LAMA5: variants seen among roughly 807,000 people sequenced by gnomAD.
LAMA5 encodes the protein laminin subunit alpha 5, also known as laminin subunit alpha-5.
In LAMA5, 260 loss-of-function variants were observed where a neutral mutation model predicts 433.4. The observed-to-expected ratio is 0.60, with a 90% CI of 0.54 to 0.66. The LOEUF is 0.66. Among genes scored for constraint, LAMA5 ranks in the 30% least tolerant of loss-of-function variants. The pLI, the probability that LAMA5 is intolerant of heterozygous loss-of-function variation, is 0.00. For missense variants in LAMA5, 5,378 were observed against 5,258.5 expected, an observed-to-expected ratio of 1.02 and a Z score of -0.70; for synonymous variants, 2,620 against 2,226.6, an observed-to-expected ratio of 1.18 and a Z score of -4.97.
intron 17 of LAMA5, 36 bp downstream of exon 17, chr20:62,336,698 C>T: frequency 6.2e-7 from 1 of 1,610,776 alleles, no homozygotes; most frequent in Non-Finnish European, 8.5e-7. Context: ...CCTGGGTCCT[C>T]ACCCATCTCC....
chr20:62,314,268 G>A, intron 62 of LAMA5, 36 bp downstream of exon 62: 1 of 1,603,892 alleles, frequency 6.2e-7, no homozygotes. Context: ...GGGCCCTGCA[G>A]TTGGAGGCAT....
chr20:62,324,216 T>A lies in LAMA5; in HGVS notation c.5644-12A>T, dbSNP rs1250261760. 2 of 1,575,560 alleles carry A rather than the reference T, an allele frequency of 1.3e-6. No individual in the cohort carries two copies. The highest frequency in any genetic ancestry group is 8.5e-7 in the Non-Finnish European group (1 of 1,170,670). On this transcript the variant is annotated splice_polypyrimidine_tract_variant and intron_variant, in intron 42 of 79. Transcript: ENST00000252999. The surrounding 1 kb of genome is among the most constrained non-coding windows in gnomAD (Gnocchi z 4.4). ...TTGTGCTGGCAGTCCTGGGGCAGAG[T>A]GGACAGTCAGAGCTATGGTGGACAC...
rs370315288 is a variant in LAMA5, at chr20:62,329,301, C to T, written c.4120-48G>A. 33 of 1,422,656 alleles carry T rather than the reference C, an allele frequency of 2.3e-5. 1 individual carries two copies. The highest frequency in any genetic ancestry group is 1.5e-4 in the South Asian group (13 of 84,632). 88.1% of individuals were successfully genotyped at this position (1,422,656 alleles called of 1,614,324 possible). On this transcript the variant is annotated intron_variant, in intron 32 of 79. Transcript: ENST00000252999. ...TCTCCCGCGGGCCCAGAGCCTGCAG[C>T]GGGGAGGCCCCCAGAGGCTGGCTGG...
chr20:62,361,594 C>T (rs1013974889), intron 2 of LAMA5, among the ~76,000 whole-genome samples: 16 of 152,232 alleles, frequency 1.1e-4, no homozygotes, highest in Non-Finnish European at 1.3e-4. Context: ...GGGGCAGCGG[C>T]GGAGCCGGCT....
rs1291247103 is a variant in LAMA5 at position 62,318,332 on chromosome 20, GGGAGGGGAGGACGGA to G, written c.7239+107_7239+121del. The stretch of plus-strand genomic sequence containing the variant: ...GAAGAGGAGGAGGGGGGGAGGACGA[GGGAGGGGAGGACGGA>G]GGGAGGGGAGGACGAGGGGAGGGGA... On this transcript the variant is annotated intron_variant, in intron 53 of 79. Coordinates refer to ENST00000252999, the MANE Select transcript of LAMA5 (RefSeq NM_005560.6). 4.5e-4 allele frequency: 224 copies of G among 495,804 alleles called. 6 individuals carry two copies. The highest frequency in any genetic ancestry group is 2.3e-3 in the South Asian group (104 of 45,834). 30.7% of individuals were successfully genotyped at this position (495,804 alleles called of 1,614,324 possible).
chr20:62,321,995 G>A, intron 48 of LAMA5, 24 bp downstream of exon 48: 2 of 1,594,216 alleles, frequency 1.3e-6, no homozygotes, highest in Non-Finnish European at 1.7e-6. Context: ...TCAGGTGTGG[G>A]GAAGTGGGGT....
At position 62,327,332 on chromosome 20, in the gene LAMA5, C is replaced by G; in HGVS notation, c.5013G>C (p.Thr1671=). The G allele has an allele frequency of 6.2e-7, 1 of 1,602,380 alleles. No homozygotes were observed. Among genetic ancestry groups the G allele is most frequent in the African/African-American group, 1.3e-5 (1 of 74,946 alleles). Residue 1671 remains threonine (T), a synonymous_variant, in exon 38 of 80, where the codon ACG becomes ACC. Transcript: ENST00000252999. ...QVVPHERQPG[T]EMLRADLRHV... is the part of the protein sequence containing the mutation. ...GCCGCAGGTCTGCACGGAGCATCTC[C>G]GTCCCTGGCTGCCGCTCGTGGGGCA... is the stretch of plus-strand genomic sequence containing the variant.
At chr20:62,330,041 G>C in intron 31 of LAMA5, 125 bp from the exon 32 acceptor site, 1 of 1,362,260 alleles carries the variant, frequency 7.3e-7, no homozygotes, top group Non-Finnish European at 9.8e-7. Flanking sequence ...ACAGGCACGG[G>C]ACGTGCCCAA....
At chr20:62,345,089 C>G (rs1277787219) in intron 11 of LAMA5, among the ~76,000 whole-genome samples, 1 of 152,088 alleles carries the variant, frequency 6.6e-6, no homozygotes, top group Non-Finnish European at 1.5e-5. Context: ...GCAATCTCGG[C>G]TCACAGCAAG....
chr20:62,337,932 G>T lies in LAMA5; in HGVS notation c.1898C>A (p.Thr633Asn), dbSNP rs745672969. Residue 633 changes from threonine (T) to asparagine (N), a missense_variant, in exon 15 of 80, where the codon ACC becomes AAC. Physicochemically the swap from Thr to Asn is moderately conservative, Grantham distance 65. Transcript: ENST00000252999. ...GTCCAGGGCTCCCCGAGGGTCGCAG[G>T]TGCATGCTGCAGAGGGACAATGGGG... The part of the protein sequence containing the change: ...YHGFPNCQAC[T>N]CDPRGALDQL... 6.2e-7 allele frequency: 1 copy of T among 1,609,418 alleles called. No homozygotes were observed. Among genetic ancestry groups the T allele is most frequent in the Non-Finnish European group, 8.5e-7 (1 of 1,178,354 alleles).
rs1983427527 is a variant in LAMA5, at chr20:62,346,682, C to T, written c.1191G>A (p.Gln397=). Residue 397 remains glutamine, a splice_region_variant and synonymous_variant, in exon 8 of 80, where the codon CAG becomes CAA. Transcript: ENST00000252999. ...TTCCCAGCCCTCTAGCCCAGCCCAC[C>T]TGGCAGTCGATACAGACACCCCCAC... ...YQGGGVCIDC[Q]HHTTGVNCER... is the part of the protein sequence containing the mutation. 1 of 1,612,894 alleles carries T rather than the reference C, an allele frequency of 6.2e-7. No homozygotes were observed. The highest frequency in any genetic ancestry group is 8.5e-7 in the Non-Finnish European group (1 of 1,179,622).
chr20:62,347,825 C>T (rs963444552), intron 6 of LAMA5, among the ~76,000 whole-genome samples: 7 of 152,238 alleles, frequency 4.6e-5, no homozygotes, highest in African/African-American at 1.7e-4. Flanking sequence ...GGATTAGACC[C>T]AGAGCCTCAA....
intron 2 of LAMA5, among the ~76,000 whole-genome samples, chr20:62,358,547 G>T (rs1182216423): frequency 6.6e-6 from 1 of 152,188 alleles, no homozygotes; most frequent in African/African-American, 2.4e-5. Context: ...CCTGCCCAGG[G>T]CCCAAGCCGG....
chr20:62,333,933 C>T lies in LAMA5; in HGVS notation c.2846G>A (p.Arg949Gln), dbSNP rs752710657. ...GCAGGTGGCCGACCTGCCCTCCTCT[C>T]GCACAGAGACCCGCCCGCTCACACT... is the stretch of plus-strand genomic sequence containing the variant. ...AMSVSGRVSV[R>Q]EEGRSATCAN... The change falls in exon 23 of 80, where the codon CGA becomes CAA. Residue 949 changes from arginine to glutamine, a missense_variant. Physicochemically the swap from Arg to Gln is conservative, Grantham distance 43. Transcript: ENST00000252999. 67 of 1,611,018 alleles carry T rather than the reference C, an allele frequency of 4.2e-5. No homozygotes were observed. The highest frequency in any genetic ancestry group is 8.9e-5 in the East Asian group (4 of 44,762).
At chr20:62,329,722 T>A in intron 32 of LAMA5, 55 bp downstream of exon 32, 1 of 1,598,000 alleles carries the variant, frequency 6.3e-7, no homozygotes, top group Middle Eastern at 1.7e-4. Context: ...ACCACAGTGG[T>A]AATGACAAGT....
At chr20:62,330,245 C>T (rs974470226) in intron 31 of LAMA5, among the ~76,000 whole-genome samples, 7 of 152,264 alleles carry the variant, frequency 4.6e-5, no homozygotes, top group African/African-American at 1.7e-4. Context: ...CAATTCGCCA[C>T]GTGCCATGGA....
Position 62,310,697 on chromosome 20 carries a change from G to A in LAMA5, c.10414C>T (p.Leu3472Phe), listed in dbSNP as rs1258979997. 6.2e-7 allele frequency: 1 copy of A among 1,602,094 alleles called. No individual in the cohort carries two copies. The highest frequency in any genetic ancestry group is 1.7e-5 in the Admixed American group (1 of 59,396). The change falls in exon 75 of 80, where the codon CTC becomes TTC. Residue 3472 changes from leucine (L) to phenylalanine (F), a missense_variant. Coordinates refer to ENST00000252999, the MANE Select transcript of LAMA5 (RefSeq NM_005560.6). ...PQPHTLFVGG[L>F]PASSHSSKLP... Reference sequence around the variant, plus strand: ...TTGGAGCTGTGGCTGCTGGCCGGGAGGCCGCCCACAAAGAGGGTGTGGGGC... The same window carrying A: ...TTGGAGCTGTGGCTGCTGGCCGGGAAGCCGCCCACAAAGAGGGTGTGGGGC...
Position 62,310,044 on chromosome 20 carries a change from G to C in LAMA5, c.10772C>G (p.Ser3591Cys). 6.2e-7 allele frequency: 1 copy of C among 1,611,372 alleles called. No individual in the cohort carries two copies. Among genetic ancestry groups the C allele is most frequent in the Non-Finnish European group, 8.5e-7 (1 of 1,179,752 alleles). ...LRADDGAGEF[S>C]TSVTRPSVLC... ...CACTGAGGGGCGGGTCACTGACGTG[G>C]AGAACTCCCCTGCTCCGTCATCCGC... The change falls in exon 78 of 80, where the codon TCC (serine) becomes TGC (cysteine). Residue 3591 changes from serine (S) to cysteine (C), a missense_variant. Physicochemically the swap from Ser to Cys is moderately radical, Grantham distance 112 (BLOSUM62 -1). Transcript: ENST00000252999.
rs772386435 is a variant in LAMA5, at chr20:62,314,585, A to T, written c.8337T>A (p.Asp2779Glu). 9.3e-6 allele frequency: 15 copies of T among 1,611,516 alleles called. No individual in the cohort carries two copies. Among genetic ancestry groups the T allele is most frequent in the Non-Finnish European group, 1.3e-5 (15 of 1,179,530 alleles). Residue 2779 changes from aspartate (D) to glutamate (E), a missense_variant, in exon 61 of 80, where the codon GAT becomes GAA. Physicochemically the swap from Asp to Glu is conservative, Grantham distance 45. Coordinates refer to ENST00000252999, the MANE Select transcript of LAMA5 (RefSeq NM_005560.6). ...GGCTGCCCATGTACATCACAAAGCGATCCTCGGTACCCTGCCCAGGCTCAG... is the reference window on the plus strand; with the variant it reads ...GGCTGCCCATGTACATCACAAAGCGTTCCTCGGTACCCTGCCCAGGCTCAG... Reference protein sequence around the residue: ...PEPEPGQGTEDRFVMYMGSRQ... With the variant: ...PEPEPGQGTEERFVMYMGSRQ...
Sources: gnomAD v4.1 joint callset for allele counts (sites outside exome capture counted in the v4.1 genomes callset) on GRCh38, gnomAD v4.1.1 for gene constraint, Gnocchi (gnomAD v3.1) non-coding constraint, MANE v1.5 for transcripts, NCBI Gene and HGNC (gene_info 2026-07-23, HGNC 2026-07-21) for gene names.